The following RTCB variants were observed in gnomAD, a reference collection of about 807,000 sequenced individuals.
RTCB encodes RNA-splicing ligase RTCB.
A neutral mutation model predicts 58.2 loss-of-function variants in RTCB; 32 were observed. The observed-to-expected ratio is 0.55, with a 90% CI of 0.41 to 0.74. The LOEUF (loss-of-function observed/expected upper bound fraction) is 0.74, where lower values mean the gene tolerates loss of function less well. RTCB is among the 30% of genes least tolerant of loss of function. The pLI is 0.00. For synonymous variants in RTCB, 247 were observed against 218.6 expected (o/e 1.13, Z -1.15); for missense variants, 523 against 639.0 (o/e 0.82, Z 1.96).
At chr22:32,391,438 T>C (rs58329990) in intron 11 of RTCB, among the ~76,000 whole-genome samples, 5,147 of 151,114 alleles carry the variant, frequency 0.034, 283 homozygotes, top group African/African-American at 0.12. Context: ...CTTTGTCATC[T>C]AGGCTGGAGT....
chr22:32,394,140 C>G, intron 9 of RTCB, 138 bp from the exon 10 acceptor site: 1 of 557,308 alleles, frequency 1.8e-6, no homozygotes, highest in African/African-American at 2.0e-5. Context: ...AGATGGGAGT[C>G]TTGCTCTGTC....
chr22:32,397,955 T>C lies in RTCB; in HGVS notation c.800A>G (p.His267Arg). 1 of 1,611,528 alleles carries C rather than the reference T, an allele frequency of 6.2e-7. No homozygotes were observed. The highest frequency in any genetic ancestry group is 8.5e-7 in the Non-Finnish European group (1 of 1,179,404). The change falls in exon 7 of 12, where the codon CAC (histidine) becomes CGC (arginine). Residue 267 changes from histidine (H) to arginine (R), a missense_variant. His to Arg is a conservative substitution (Grantham distance 29, BLOSUM62 0). Coordinates refer to ENST00000216038, the MANE Select transcript of RTCB (RefSeq NM_014306.5). ...CTAGAATATACCTGTGGCTACTTGGTGGCCCAAGCCTCTGCTTCCACTGTG... is the reference window on the plus strand; with the variant it reads ...CTAGAATATACCTGTGGCTACTTGGCGGCCCAAGCCTCTGCTTCCACTGTG... ...MIHSGSRGLG[H>R]QVATDALVAM...
intron 4 of RTCB, among the ~76,000 whole-genome samples, chr22:32,403,038 T>A (rs1435278153): frequency 6.6e-6 from 1 of 151,362 alleles, no homozygotes; most frequent in Non-Finnish European, 1.5e-5. Context: ...AGCCACCGCA[T>A]CCAGCCTATA....
intron 9 of RTCB, 90 bp from the exon 10 acceptor site, chr22:32,394,092 A>T (rs1457737735): frequency 7.5e-5 from 58 of 773,208 alleles, no homozygotes; most frequent in Non-Finnish European, 5.6e-5. Context: ...GCACTGTAGG[A>T]TTGTAGGAGA....
At position 32,398,059 on chromosome 22, in the gene RTCB, C is replaced by T. The variant is rs763005547; in HGVS notation, c.696G>A (p.Gln232=). ...LGAGNHYAEI[Q]VVDEIFNEYA... is the part of the protein sequence containing the mutation. ...ACTCATTGAAAATCTCATCCACAAC[C>T]TGGATTTCTGCATAATGGTTGCCTG... Residue 232 remains glutamine, a synonymous_variant, in exon 7 of 12, where the codon CAG becomes CAA. Coordinates refer to ENST00000216038, the MANE Select transcript of RTCB (RefSeq NM_014306.5). 1.2e-6 allele frequency: 2 copies of T among 1,614,124 alleles called. No homozygotes were observed. Among genetic ancestry groups the T allele is most frequent in the South Asian group, 2.2e-5 (2 of 91,074 alleles).
chr22:32,390,095 C>T (rs916415693), intron 11 of RTCB, among the ~76,000 whole-genome samples: 3 of 152,178 alleles, frequency 2.0e-5, no homozygotes, highest in Non-Finnish European at 2.9e-5. Flanking sequence ...AAGTCTTCTC[C>T]GACCACCTGC....
chr22:32,408,219 T>C lies in RTCB; in HGVS notation c.196A>G (p.Met66Val), dbSNP rs1390111341. 6.2e-7 allele frequency: 1 copy of C among 1,614,212 alleles called. No individual in the cohort carries two copies. The highest frequency in any genetic ancestry group is 8.5e-7 in the Non-Finnish European group (1 of 1,180,018). ...GGGVGGFLPAMKQIGNVAALP... is the reference protein window; with the variant it reads ...GGGVGGFLPAVKQIGNVAALP... ...GCTGCCACATTGCCAATCTGTTTCA[T>C]GGCTGGCAGGAAGCCACCAACACCT... The change falls in exon 3 of 12, where the codon ATG (methionine) becomes GTG (valine). Residue 66 changes from methionine (M) to valine (V), a missense_variant. Physicochemically the swap from Met to Val is conservative, Grantham distance 21. This residue lies in a region of RTCB where 134 missense variants were observed against 129.9 expected (regional missense o/e 1.03). Coordinates refer to ENST00000216038, the MANE Select transcript of RTCB (RefSeq NM_014306.5).
rs1020796515 is a variant in RTCB at position 32,403,177 on chromosome 22, C to A, written c.341-1274G>T. On this transcript the variant is annotated intron_variant, in intron 4 of 11. Coordinates refer to ENST00000216038, the MANE Select transcript of RTCB (RefSeq NM_014306.5). ...ATCCCAGCACTTTGGGAGGCCGAGG[C>A]GGGCGGATCATGAGGTCAGGAGATC... 2.6e-5 allele frequency among the ~76,000 whole-genome samples: 4 copies of A among 152,124 alleles called. No homozygotes were observed. The East Asian group carries it at 5.8e-4, about 22-fold the overall frequency.
At position 32,387,826 on chromosome 22, in the gene RTCB, G is replaced by T; in HGVS notation, c.*166C>A. On this transcript the variant is annotated 3_prime_UTR_variant, in exon 12 of 12. Transcript: ENST00000216038. ...TCCTGGAAGGTTATTTTACAAGCAC[G>T]GGCCCCTGAAAGCAGCAGCCTCCCC... 1 of 555,990 alleles carries T rather than the reference G, an allele frequency of 1.8e-6. No individual in the cohort carries two copies. The highest frequency in any genetic ancestry group is 2.4e-5 in the South Asian group (1 of 42,074). The allele number at this position is 555,990 out of a possible 1,614,324, so 34.4% of individuals were successfully genotyped here.
At position 32,399,518 on chromosome 22, in the gene RTCB, T is replaced by G. The variant is rs951255960; in HGVS notation, c.654+85A>C. On this transcript the variant is annotated intron_variant, in intron 6 of 11. Coordinates refer to ENST00000216038, the MANE Select transcript of RTCB (RefSeq NM_014306.5). ...TAAAAAAACCTGGGAATATGTTTGCTAAATGTAAGATATAGATTTTTTTCC... is the reference window on the plus strand; with the variant it reads ...TAAAAAAACCTGGGAATATGTTTGCGAAATGTAAGATATAGATTTTTTTCC... 2.4e-6 allele frequency: 3 copies of G among 1,274,130 alleles called. No individual in the cohort carries two copies. The African/African-American group carries it at 4.5e-5, about 19-fold the overall frequency. The allele number at this position is 1,274,130 out of a possible 1,614,324, so 78.9% of individuals were successfully genotyped here. A position where few individuals can be genotyped will look rare whatever the true frequency, so the allele number is the denominator to read the frequency against.
At chr22:32,389,605 G>A (rs917046557) in intron 11 of RTCB, among the ~76,000 whole-genome samples, 3 of 151,134 alleles carry the variant, frequency 2.0e-5, no homozygotes, top group Admixed American at 6.6e-5. Flanking sequence ...GAGCCACTGT[G>A]CTCAGCTTCT....
intron 7 of RTCB, among the ~76,000 whole-genome samples, chr22:32,396,641 AG>A (rs1475411299): frequency 6.6e-6 from 1 of 152,250 alleles, no homozygotes; most frequent in Non-Finnish European, 1.5e-5. Flanking sequence ...AGAAGTACTC[AG>A]GGGAATGTTC....
chr22:32,392,807 TAGG>T (rs1933178202), intron 10 of RTCB, among the ~76,000 whole-genome samples: 3 of 152,314 alleles, frequency 2.0e-5, no homozygotes, highest in South Asian at 4.1e-4. Context: ...AGGTCTGTCC[TAGG>T]AGAAGGTACT....
Position 32,412,220 on chromosome 22 carries a change from G to A in RTCB, c.-64C>T, listed in dbSNP as rs1289187395. On this transcript the variant is annotated 5_prime_UTR_variant, in exon 1 of 12. Coordinates refer to ENST00000216038, the MANE Select transcript of RTCB (RefSeq NM_014306.5). ...TGAAGAGCCGCTGCCGCGTAGTCCGGCTTCTCAGAGCACCGCCTTCCAAGA... is the reference window on the plus strand; with the variant it reads ...TGAAGAGCCGCTGCCGCGTAGTCCGACTTCTCAGAGCACCGCCTTCCAAGA... 2.2e-6 allele frequency: 3 copies of A among 1,351,380 alleles called. No individual in the cohort carries two copies. The highest frequency in any genetic ancestry group is 3.1e-6 in the Non-Finnish European group (3 of 975,380). 83.7% of individuals were successfully genotyped at this position (1,351,380 alleles called of 1,614,324 possible).
chr22:32,409,067 C>T (rs529007122), intron 1 of RTCB, among the ~76,000 whole-genome samples: 1 of 152,018 alleles, frequency 6.6e-6, no homozygotes, highest in South Asian at 2.1e-4. Flanking sequence ...ATTCTCATAC[C>T]CTCAAAACCA....
At chr22:32,389,749 C>T (rs1289683610) in intron 11 of RTCB, among the ~76,000 whole-genome samples, 3 of 152,216 alleles carry the variant, frequency 2.0e-5, no homozygotes, top group Non-Finnish European at 1.5e-5. Flanking sequence ...TTTTCTGCAT[C>T]ATTAATTTCT....
At chr22:32,400,396 A>G (rs1227353424) in intron 5 of RTCB, among the ~76,000 whole-genome samples, 1 of 152,228 alleles carries the variant, frequency 6.6e-6, no homozygotes, top group Non-Finnish European at 1.5e-5. Context: ...AAACACTGCC[A>G]GGAAAAACTA....
At chr22:32,406,223 C>G (rs1933417763) in intron 4 of RTCB, among the ~76,000 whole-genome samples, 1 of 152,114 alleles carries the variant, frequency 6.6e-6, no homozygotes, top group Non-Finnish European at 1.5e-5. Flanking sequence ...AGCAATACTT[C>G]CAGTAAATAT....
chr22:32,405,704 G>GA (rs1286608804), intron 4 of RTCB, among the ~76,000 whole-genome samples: 4 of 152,100 alleles, frequency 2.6e-5, no homozygotes, highest in African/African-American at 9.7e-5. Context: ...ACAGATTTAA[G>GA]AAAAAATTTT....
Sources: gnomAD v4.1 joint callset for allele counts (sites outside exome capture counted in the v4.1 genomes callset) on GRCh38, gnomAD v4.1.1 for gene constraint, gnomAD v4.1.1 regional missense constraint, MANE v1.5 for transcripts, NCBI Gene and HGNC (gene_info 2026-07-23, HGNC 2026-07-21) for gene names.